Variants in AKR1E2 observed in about 807,000 individuals in gnomAD.
The protein encoded by AKR1E2 is aldo-keto reductase family 1 member E2.
A neutral mutation model predicts 41.9 loss-of-function variants in AKR1E2; 43 were observed. The observed-to-expected ratio is 1.03, with a 90% CI of 0.80 to 1.32. The LOEUF is 1.32. Ranked by LOEUF, AKR1E2 falls within the 40% of genes most tolerant of loss-of-function variation. The pLI, the probability that AKR1E2 is intolerant of heterozygous loss-of-function variation, is 0.00. For synonymous variants in AKR1E2, 121 were observed against 138.9 expected (o/e 0.87, Z 0.91); for missense variants, 423 against 396.5 (o/e 1.07, Z -0.57).
chr10:4,831,511 G>GTT (rs1259807895), intron 2 of AKR1E2, among the ~76,000 whole-genome samples: 4 of 152,160 alleles, frequency 2.6e-5, no homozygotes. Flanking sequence ...GGGAACTGCC[G>GTT]TTTATAAAAC....
intron 5 of AKR1E2, among the ~76,000 whole-genome samples, chr10:4,837,940 A>G (rs948049748): frequency 4.6e-5 from 7 of 152,342 alleles, no homozygotes; most frequent in African/African-American, 1.7e-4. Context: ...GACTGCAGCA[A>G]GAAAGAGTGG....
At chr10:4,837,357 G>T in intron 4 of AKR1E2, 102 bp from the exon 5 acceptor site, 1 of 1,419,624 alleles carries the variant, frequency 7.0e-7, no homozygotes, top group Non-Finnish European at 9.5e-7. Context: ...TAAAAATATT[G>T]GGTCCAACCA....
chr10:4,861,965 T>C, the AKR1E2 span, among the ~76,000 whole-genome samples: 1 of 152,240 alleles, frequency 6.6e-6, no homozygotes, highest in Non-Finnish European at 1.5e-5. Context: ...TTGGCTTTTG[T>C]TGCCATTGTT....
the AKR1E2 span, among the ~76,000 whole-genome samples, chr10:4,855,646 A>G: frequency 6.6e-6 from 1 of 152,210 alleles, no homozygotes; most frequent in Non-Finnish European, 1.5e-5. Flanking sequence ...TTTACATACG[A>G]AAGAGCTTTA....
At chr10:4,872,982 G>A in the AKR1E2 span, among the ~76,000 whole-genome samples, 1 of 152,078 alleles carries the variant, frequency 6.6e-6, no homozygotes, top group Non-Finnish European at 1.5e-5. Flanking sequence ...AGGGGGAATG[G>A]CCAGTGGAAA....
At chr10:4,834,574 T>C (rs1833250155) in intron 3 of AKR1E2, among the ~76,000 whole-genome samples, 1 of 152,238 alleles carries the variant, frequency 6.6e-6, no homozygotes, top group African/African-American at 2.4e-5. Context: ...TATTAACTCA[T>C]TTAATTCTCA....
Position 4,847,219 on chromosome 10 carries a change from C to G in AKR1E2, c.909C>G (p.Ala303=). The G allele has an allele frequency of 3.7e-6, 6 of 1,614,026 alleles. No individual in the cohort carries two copies. The highest frequency in any genetic ancestry group is 5.1e-6 in the Non-Finnish European group (6 of 1,179,912). ...ILSLNRNLRL[A]MFPITKNHKD... Reference sequence around the variant, plus strand: ...GCCTAAACAGGAATCTCCGACTGGCCATGTTCCCCATGTAAATATGGCTCC... The same window carrying G: ...GCCTAAACAGGAATCTCCGACTGGCGATGTTCCCCATGTAAATATGGCTCC... The change falls in exon 9 of 10, where the codon GCC becomes GCG. Residue 303 remains alanine, a synonymous_variant. Coordinates refer to ENST00000298375, the MANE Select transcript of AKR1E2 (RefSeq NM_001040177.3).
chr10:4,870,682 A>G, the AKR1E2 span, among the ~76,000 whole-genome samples: 2 of 151,294 alleles, frequency 1.3e-5, no homozygotes, highest in African/African-American at 2.4e-5. Context: ...AGGTTAGGTG[A>G]CATTTTTCTC....
the AKR1E2 span, among the ~76,000 whole-genome samples, chr10:4,853,856 C>T: frequency 1.3e-5 from 2 of 152,154 alleles, no homozygotes; most frequent in Non-Finnish European, 2.9e-5. Context: ...TGCAATAAAT[C>T]CCCCAAAACC....
At chr10:4,867,769 G>A in the AKR1E2 span, among the ~76,000 whole-genome samples, 2 of 152,198 alleles carry the variant, frequency 1.3e-5, no homozygotes, top group Admixed American at 6.5e-5. Context: ...TGGCCTTCCA[G>A]TGTTTTTCCT....
chr10:4,840,694 C>T (rs1216809714), intron 6 of AKR1E2, among the ~76,000 whole-genome samples: 4 of 152,196 alleles, frequency 2.6e-5, no homozygotes, highest in African/African-American at 9.7e-5. Context: ...CACCTCTGTG[C>T]CTTTGCAAAT....
At chr10:4,849,691 C>T (rs1834486263), downstream of AKR1E2, among the ~76,000 whole-genome samples, 1 of 152,196 alleles carries the variant, frequency 6.6e-6, no homozygotes, top group East Asian at 1.9e-4. Context: ...CTCAGCGCTC[C>T]ATTGCACAGT....
chr10:4,848,432 T>C (rs1834463607), downstream of AKR1E2, among the ~76,000 whole-genome samples: 1 of 152,250 alleles, frequency 6.6e-6, no homozygotes, highest in Non-Finnish European at 1.5e-5. Flanking sequence ...CCAGACGCCA[T>C]GATCCCTGTC....
the AKR1E2 span, among the ~76,000 whole-genome samples, chr10:4,856,846 T>G: frequency 6.6e-6 from 1 of 152,208 alleles, no homozygotes; most frequent in African/African-American, 2.4e-5. Context: ...GTTTTGGTCC[T>G]CTTTAGAAGA....
At chr10:4,852,344 A>C (rs1377330001), downstream of AKR1E2, among the ~76,000 whole-genome samples, 1 of 152,240 alleles carries the variant, frequency 6.6e-6, no homozygotes, top group Non-Finnish European at 1.5e-5. Flanking sequence ...AGCATGAAAA[A>C]GGCTCCTTCT....
downstream of AKR1E2, among the ~76,000 whole-genome samples, chr10:4,852,794 C>T (rs12573808): frequency 0.035 from 5,366 of 152,146 alleles, 151 homozygotes; most frequent in East Asian, 0.11. Flanking sequence ...CGGCAGAAAT[C>T]CATTTTCTCA....
rs763221880 is a variant in AKR1E2 at position 4,847,231 on chromosome 10, G to C, written c.920+1G>C. 1.1e-5 allele frequency: 17 copies of C among 1,614,030 alleles called. No individual in the cohort carries two copies. The highest frequency in any genetic ancestry group is 1.4e-5 in the Non-Finnish European group (17 of 1,179,904). ...ATCTCCGACTGGCCATGTTCCCCAT[G>C]TAAATATGGCTCCTTCTTTTTAAAA... On this transcript the variant is annotated splice_donor_variant, in intron 9 of 9. Transcript: ENST00000298375. LOFTEE classifies it high-confidence loss of function.
chr10:4,825,568 T>C (rs1427430577), upstream of AKR1E2, among the ~76,000 whole-genome samples: 1 of 152,152 alleles, frequency 6.6e-6, no homozygotes, highest in East Asian at 1.9e-4. Flanking sequence ...CCCGCTGTCC[T>C]GCAAGCCCCA....
intron 1 of AKR1E2, among the ~76,000 whole-genome samples, chr10:4,827,284 T>C (rs1476478624): frequency 6.6e-6 from 1 of 151,662 alleles, no homozygotes; most frequent in East Asian, 1.9e-4. Flanking sequence ...AATTAACATA[T>C]CTATCACCTC....
Sources: allele counts gnomAD v4.1 joint callset (sites outside exome capture counted in the v4.1 genomes callset), GRCh38; gene constraint gnomAD v4.1.1; transcripts MANE v1.5; gene names NCBI Gene and HGNC (gene_info 2026-07-23, HGNC 2026-07-21).